WASF3: variants seen among roughly 807,000 people sequenced by gnomAD.
The protein encoded by WASF3 is actin-binding protein WASF3.
In WASF3, 11 loss-of-function variants were observed where a neutral mutation model predicts 46.6. The observed-to-expected ratio is 0.24, with a 90% confidence interval of 0.15 to 0.39. The LOEUF is 0.39. WASF3 is among the 10% of genes least tolerant of loss of function. WASF3 has a pLI of 1.00. For missense variants in WASF3, 576 were observed against 669.8 expected (o/e 0.86, Z 1.55); for synonymous variants, 242 against 259.7 (o/e 0.93, Z 0.65).
chr13:26,591,595 C>T (rs187627661), intron 1 of WASF3, among the ~76,000 whole-genome samples: 9 of 152,122 alleles, frequency 5.9e-5, no homozygotes, highest in East Asian at 1.9e-4. Flanking sequence ...TGCTGGGGAA[C>T]GTCAGGAGTT....
chr13:26,591,533 C>A (rs1880294027), intron 1 of WASF3, among the ~76,000 whole-genome samples: 1 of 152,008 alleles, frequency 6.6e-6, no homozygotes, highest in African/African-American at 2.4e-5. Flanking sequence ...ACTTGAGCAG[C>A]TGAGATATGG....
At chr13:26,586,689 A>G (rs1482151379) in intron 1 of WASF3, among the ~76,000 whole-genome samples, 1 of 152,124 alleles carries the variant, frequency 6.6e-6, no homozygotes, top group African/African-American at 2.4e-5. Flanking sequence ...GCCCTTTGTG[A>G]TCAATTCTAA....
chr13:26,584,016 AC>A (rs1445842102), intron 1 of WASF3, among the ~76,000 whole-genome samples: 1 of 152,122 alleles, frequency 6.6e-6, no homozygotes, highest in Non-Finnish European at 1.5e-5. Context: ...TGTTTACTTA[AC>A]CCCCTAACTT....
At chr13:26,638,811 G>A (rs2137277600) in intron 2 of WASF3, 1 of 152,320 alleles carries the variant, frequency 6.6e-6, no homozygotes, top group Non-Finnish European at 1.5e-5. Flanking sequence ...CAGATGTTGG[G>A]AGGTATGGCC....
chr13:26,545,107 C>A, the WASF3 span, among the ~76,000 whole-genome samples: 97 of 152,302 alleles, frequency 6.4e-4, 1 homozygote, highest in African/African-American at 2.3e-3. Context: ...CCACTCTCCA[C>A]CCCTGGGATA....
chr13:26,575,531 G>A (rs1396877820), intron 1 of WASF3, among the ~76,000 whole-genome samples: 2 of 152,194 alleles, frequency 1.3e-5, no homozygotes, highest in African/African-American at 4.8e-5. Flanking sequence ...GTTCTTGGCA[G>A]AACTGAGAAC....
chr13:26,611,213 T>C (rs2137221990), intron 1 of WASF3, among the ~76,000 whole-genome samples: 1 of 152,136 alleles, frequency 6.6e-6, no homozygotes, highest in South Asian at 2.1e-4. Context: ...GACTCTTCTT[T>C]TTCCTAGCTG....
At chr13:26,661,193 T>G (rs1231451313) in intron 3 of WASF3, among the ~76,000 whole-genome samples, 1 of 152,214 alleles carries the variant, frequency 6.6e-6, no homozygotes, top group Non-Finnish European at 1.5e-5. Flanking sequence ...TGTTAACCAC[T>G]GTGTACACAT....
chr13:26,599,938 A>T (rs2137200035), intron 1 of WASF3, among the ~76,000 whole-genome samples: 1 of 152,318 alleles, frequency 6.6e-6, no homozygotes, highest in East Asian at 1.9e-4. Flanking sequence ...TGGGGAGTTC[A>T]CACCTTGGCT....
intron 1 of WASF3, among the ~76,000 whole-genome samples, chr13:26,590,722 CA>C (rs1880266151): frequency 6.6e-6 from 1 of 152,170 alleles, no homozygotes; most frequent in African/African-American, 2.4e-5. Context: ...ATCCTTTCAG[CA>C]GTGAGTTATT....
chr13:26,605,869 T>C (rs1880780016), intron 1 of WASF3, among the ~76,000 whole-genome samples: 1 of 152,196 alleles, frequency 6.6e-6, no homozygotes, highest in Non-Finnish European at 1.5e-5. Context: ...AATGCAAGAG[T>C]AGAACTCAAT....
intron 1 of WASF3, 143 bp from the exon 2 acceptor site, chr13:26,612,814 CCTTA>C (rs1418783762): frequency 6.6e-6 from 1 of 152,098 alleles, no homozygotes; most frequent in Non-Finnish European, 1.5e-5. Context: ...CTTATTAGCT[CCTTA>C]CTTAAAATAA....
intron 3 of WASF3, among the ~76,000 whole-genome samples, chr13:26,653,960 T>TA (rs1882393123): frequency 6.6e-6 from 1 of 152,236 alleles, no homozygotes; most frequent in Non-Finnish European, 1.5e-5. Context: ...GCTCTCCTCT[T>TA]ACAGTGCTTT....
At position 26,682,748 on chromosome 13, in the gene WASF3, C is replaced by T. The variant is rs763858241; in HGVS notation, c.1125C>T (p.Ala375=). ...TGCAGCCCCCGTTCCCTGCATCAGCCAGCTCCACGCACGCAGCTCCTCCTC... is the reference window on the plus strand; with the variant it reads ...TGCAGCCCCCGTTCCCTGCATCAGCTAGCTCCACGCACGCAGCTCCTCCTC... ...MPMQPPFPAS[A]SSTHAAPPHP... The change falls in exon 9 of 10, where the codon GCC becomes GCT. Residue 375 remains alanine, a synonymous_variant. Transcript: ENST00000335327. The surrounding 1 kb of genome is among the most constrained non-coding windows in gnomAD (Gnocchi z 4.4). 6.8e-6 allele frequency: 11 copies of T among 1,613,594 alleles called. No individual in the cohort carries two copies. The South Asian group carries it at 1.2e-4, about 18-fold the overall frequency.
chr13:26,668,055 T>C (rs1949608485), intron 5 of WASF3, among the ~76,000 whole-genome samples: 1 of 152,102 alleles, frequency 6.6e-6, no homozygotes, highest in South Asian at 2.1e-4. Flanking sequence ...AAATACCTGT[T>C]TCAGCACTGC....
chr13:26,544,914 C>T, the WASF3 span, among the ~76,000 whole-genome samples: 3 of 152,212 alleles, frequency 2.0e-5, no homozygotes, highest in Admixed American at 6.5e-5. Context: ...TCTGGACAGG[C>T]ACAGAGTCCA....
the WASF3 span, among the ~76,000 whole-genome samples, chr13:26,541,752 G>T: frequency 2.0e-5 from 3 of 148,138 alleles, no homozygotes; most frequent in African/African-American, 7.2e-5. Context: ...CAAAGCCCTG[G>T]GATTACAGGC....
At chr13:26,595,687 CT>C (rs1880440144) in intron 1 of WASF3, among the ~76,000 whole-genome samples, 1 of 152,186 alleles carries the variant, frequency 6.6e-6, no homozygotes, top group Non-Finnish European at 1.5e-5. Context: ...TCCCTGGCCC[CT>C]GTTCTTCATC....
At chr13:26,554,535 G>A (rs189390632), upstream of WASF3, among the ~76,000 whole-genome samples, 2 of 152,288 alleles carry the variant, frequency 1.3e-5, no homozygotes, top group East Asian at 3.9e-4. Context: ...CATAAATACA[G>A]CAAAGGTGAC....
Sources: allele counts gnomAD v4.1 joint callset (sites outside exome capture counted in the v4.1 genomes callset), GRCh38; gene constraint gnomAD v4.1.1; non-coding constraint Gnocchi (gnomAD v3.1); transcripts MANE v1.5; gene names NCBI Gene and HGNC (gene_info 2026-07-23, HGNC 2026-07-21).